The following LRRC2 variants were observed in gnomAD, a reference collection of about 807,000 sequenced individuals.
LRRC2 encodes leucine rich repeat containing 2.
In LRRC2, 27 loss-of-function variants were observed where a neutral mutation model predicts 40.2. That is an observed-to-expected ratio of 0.67 (90% CI 0.49 to 0.93). The LOEUF (loss-of-function observed/expected upper bound fraction) is 0.93. LRRC2 is among the 40% of genes least tolerant of loss of function. The probability of loss-of-function intolerance (pLI) is 0.00; values close to 1 mark genes in which losing one functional copy is unlikely to be tolerated. For missense variants in LRRC2, 402 were observed against 439.6 expected (o/e 0.91, Z 0.76); for synonymous variants, 147 against 158.9 (o/e 0.92, Z 0.56).
At chr3:46,545,016 CT>C in intron 3 of LRRC2, 29 bp downstream of exon 3, 1 of 1,596,804 alleles carries the variant, frequency 6.3e-7, no homozygotes, top group Non-Finnish European at 8.6e-7. Flanking sequence ...GACCACAGCA[CT>C]GCATTGGGCG....
In LRRC2 at chr3:46,516,140, T is replaced by C. The variant is rs1427310778; in HGVS notation, c.*2874A>G. 1.3e-5 allele frequency: 2 copies of C among 152,002 alleles called. No individual in the cohort carries two copies. The highest frequency in any genetic ancestry group is 3.9e-4 in the East Asian group (2 of 5,184). The allele number at this position is 152,002 out of a possible 1,614,324, so 9.4% of individuals were successfully genotyped here. A position where few individuals can be genotyped will look rare whatever the true frequency, so the allele number is the denominator to read the frequency against. Reference sequence around the variant, plus strand: ...CCCGGCTAATTTTTTGCATTTTTAATAGAGACAGGGTTTCACTATGTTGTT... The same window carrying C: ...CCCGGCTAATTTTTTGCATTTTTAACAGAGACAGGGTTTCACTATGTTGTT... On this transcript the variant is annotated 3_prime_UTR_variant, in exon 9 of 9. Coordinates refer to ENST00000395905, the MANE Select transcript of LRRC2 (RefSeq NM_024512.5).
chr3:46,526,085 G>A (rs975075846), intron 7 of LRRC2, among the ~76,000 whole-genome samples: 9 of 151,758 alleles, frequency 5.9e-5, no homozygotes, highest in South Asian at 2.1e-4. Context: ...CCTGAGTAGC[G>A]GGGATTACAG....
chr3:46,547,341 G>A (rs893604617), intron 2 of LRRC2, among the ~76,000 whole-genome samples: 2 of 152,058 alleles, frequency 1.3e-5, no homozygotes, highest in Admixed American at 6.5e-5. Flanking sequence ...AGGGCTTCAG[G>A]ATCTACATAT....
rs75193353 is a variant in LRRC2 at position 46,527,379 on chromosome 3, C to T, written c.929+47G>A. ...TGCCCAGGCTCTGGTACTTCTCACT[C>T]CTTACCTGTGTCTGAGTGTGTCTAC... is the stretch of plus-strand genomic sequence containing the variant. On this transcript the variant is annotated intron_variant, in intron 7 of 8. Coordinates refer to ENST00000395905, the MANE Select transcript of LRRC2 (RefSeq NM_024512.5). 23 of 1,608,450 alleles carry T rather than the reference C, an allele frequency of 1.4e-5. No individual in the cohort carries two copies. The East Asian group carries it at 5.1e-4, about 36-fold the overall frequency.
intron 1 of LRRC2, among the ~76,000 whole-genome samples, chr3:46,565,765 T>C (rs7650998): frequency 0.28 from 43,048 of 152,202 alleles, 6,936 homozygotes; most frequent in Middle Eastern, 0.37. Flanking sequence ...GCCAGGGCCA[T>C]GTGTCAATCA....
rs150374428 is a variant in LRRC2, at chr3:46,531,176, C to T, written c.628-1126G>A. Among the ~76,000 whole-genome samples the T allele has an allele frequency of 3.8e-4, 54 of 143,598 alleles. No individual in the cohort carries two copies. In the East Asian group the frequency reaches 6.8e-3, roughly 18 times the overall value. 94.2% of individuals were successfully genotyped at this position (143,598 alleles called of 152,430 possible). On this transcript the variant is annotated intron_variant, in intron 5 of 8. Coordinates refer to ENST00000395905, the MANE Select transcript of LRRC2 (RefSeq NM_024512.5). The stretch of plus-strand genomic sequence containing the variant: ...ATTTTTTTTTTTTTTTTTGAGATGG[C>T]GTTTCACTCTGTCACACAGGCTGGA...
At chr3:46,554,169 G>A (rs955283503) in intron 1 of LRRC2, among the ~76,000 whole-genome samples, 2 of 151,916 alleles carry the variant, frequency 1.3e-5, no homozygotes, top group Non-Finnish European at 2.9e-5. Context: ...ACAGACATGC[G>A]CCACTATGCC....
intron 7 of LRRC2, among the ~76,000 whole-genome samples, chr3:46,524,410 T>C (rs1206321343): frequency 6.6e-6 from 1 of 151,742 alleles, no homozygotes; most frequent in Non-Finnish European, 1.5e-5. Flanking sequence ...GGTTGGGGGG[T>C]GCCTGTTGAT....
chr3:46,536,302 A>G (rs2107006932), intron 4 of LRRC2, among the ~76,000 whole-genome samples: 1 of 152,332 alleles, frequency 6.6e-6, no homozygotes, highest in African/African-American at 2.4e-5. Flanking sequence ...TGGGGATGAC[A>G]TCATGTCTCC....
At chr3:46,536,005 G>A (rs1413103676) in intron 4 of LRRC2, among the ~76,000 whole-genome samples, 2 of 152,168 alleles carry the variant, frequency 1.3e-5, no homozygotes, top group African/African-American at 4.8e-5. Flanking sequence ...CAAAGACCCA[G>A]GCAGCCTGAT....
chr3:46,533,470 C>G (rs114206884), intron 4 of LRRC2, among the ~76,000 whole-genome samples: 2 of 152,310 alleles, frequency 1.3e-5, no homozygotes, highest in Admixed American at 6.5e-5. Context: ...ATAAGCCCAT[C>G]ATAAGTTGAA....
At chr3:46,538,806 T>A (rs559204405) in intron 4 of LRRC2, among the ~76,000 whole-genome samples, 1 of 152,366 alleles carries the variant, frequency 6.6e-6, no homozygotes, top group South Asian at 2.1e-4. Context: ...ATGAAACTTC[T>A]GGTTTCTGAG....
At chr3:46,536,478 G>A (rs894423081) in intron 4 of LRRC2, among the ~76,000 whole-genome samples, 1 of 152,146 alleles carries the variant, frequency 6.6e-6, no homozygotes, top group African/African-American at 2.4e-5. Context: ...AGAGCAGAGA[G>A]ATTAAGTATA....
At chr3:46,521,283 C>A (rs1409245003) in intron 8 of LRRC2, among the ~76,000 whole-genome samples, 1 of 152,144 alleles carries the variant, frequency 6.6e-6, no homozygotes, top group Non-Finnish European at 1.5e-5. Flanking sequence ...GCACGTTTCC[C>A]AGCCTCTCTG....
chr3:46,534,444 C>T (rs1203248117), intron 4 of LRRC2, among the ~76,000 whole-genome samples: 4 of 133,396 alleles, frequency 3.0e-5, no homozygotes, highest in African/African-American at 7.4e-5. Context: ...TTCTTTCTTT[C>T]TTTCTTTCTT....
At chr3:46,555,225 T>C (rs1395010173) in intron 1 of LRRC2, among the ~76,000 whole-genome samples, 1 of 152,222 alleles carries the variant, frequency 6.6e-6, no homozygotes, top group South Asian at 2.1e-4. Context: ...CATCATTTTA[T>C]ATTATCCTAA....
intron 4 of LRRC2, among the ~76,000 whole-genome samples, chr3:46,533,814 T>TCTTTCTTTCTTTCTTTGTTTCTTTCTTC: frequency 6.6e-6 from 1 of 150,978 alleles, no homozygotes; most frequent in African/African-American, 2.4e-5. Context: ...TTTCTTTCTT[T>TCTTTCTTTCTTTCTTTGTTTCTTTCTTC]CTTTTTCTTT....
chr3:46,551,328 C>T (rs1045315339), intron 2 of LRRC2, 139 bp downstream of exon 2: 23 of 1,007,446 alleles, frequency 2.3e-5, no homozygotes, highest in Non-Finnish European at 2.6e-5. Context: ...CAGTGTAAGG[C>T]TCTGAAGTTT....
At chr3:46,542,682 A>T (rs9810340) in intron 3 of LRRC2, among the ~76,000 whole-genome samples, 46,569 of 152,124 alleles carry the variant, frequency 0.31, 7,642 homozygotes, top group Non-Finnish European at 0.37. Flanking sequence ...TTGAAAAAAC[A>T]AACAGCAAAC....
Sources: allele counts gnomAD v4.1 joint callset (sites outside exome capture counted in the v4.1 genomes callset), GRCh38; gene constraint gnomAD v4.1.1; transcripts MANE v1.5; gene names NCBI Gene and HGNC (gene_info 2026-07-23, HGNC 2026-07-21).